Variants in TRIM26 observed in about 807,000 individuals in gnomAD.
TRIM26 encodes tripartite motif containing 26.
TRIM26 carries 16 observed loss-of-function variants against 45.5 expected under a neutral mutation model. The ratio of observed to expected loss-of-function variants is 0.35; its 90% CI spans 0.24 to 0.53. The LOEUF is 0.53. TRIM26 is among the 20% of genes least tolerant of loss of function. The pLI, the probability that TRIM26 is intolerant of heterozygous loss-of-function variation, is 0.92. For missense variants in TRIM26, 442 were observed against 691.1 expected (o/e 0.64, Z 4.04); for synonymous variants, 273 against 290.4 (o/e 0.94, Z 0.61).
chr6:30,199,438 A>G (rs1204382470), intron 3 of TRIM26, among the ~76,000 whole-genome samples, 174 bp from the exon 4 acceptor site: 1 of 152,160 alleles, frequency 6.6e-6, no homozygotes, highest in African/African-American at 2.4e-5. Flanking sequence ...CTTTCCTTCT[A>G]TCTGTTGGAA....
intron 9 of TRIM26, chr6:30,187,225 C>A: frequency 3.6e-6 from 1 of 277,084 alleles, no homozygotes. Flanking sequence ...TTTCAATTTC[C>A]TGAATAATTT....
In TRIM26 at chr6:30,185,868, G is replaced by A. The variant is rs764783355; in HGVS notation, c.*8C>T. 4.4e-6 allele frequency: 7 copies of A among 1,605,320 alleles called. No homozygotes were observed. The highest frequency in any genetic ancestry group is 6.0e-6 in the Non-Finnish European group (7 of 1,175,158). On this transcript the variant is annotated 3_prime_UTR_variant, in exon 10 of 10. Coordinates refer to ENST00000454678, the MANE Select transcript of TRIM26 (RefSeq NM_003449.5). The surrounding 1 kb of genome is among the most constrained non-coding windows in gnomAD (Gnocchi z 5.7). ...CTGAGGGTTGGGGCTGGGGGCAGAT[G>A]TCAGGGCTCAGGGTCTTAGCAGGAG...
intron 2 of TRIM26, among the ~76,000 whole-genome samples, chr6:30,203,172 T>G (rs1050134974): frequency 4.6e-5 from 7 of 151,350 alleles, no homozygotes; most frequent in Admixed American, 4.6e-4. Context: ...GGCTCCCGAG[T>G]TGCTGCAACA....
At position 30,189,654 on chromosome 6, in the gene TRIM26, A is replaced by C; in HGVS notation, c.789-121T>G. Reference sequence around the variant, plus strand: ...GGAAAGGTATGATTATCCCCAAACAAGTGACAGAAAAACAGTGGCCCAAAG... The same window carrying C: ...GGAAAGGTATGATTATCCCCAAACACGTGACAGAAAAACAGTGGCCCAAAG... On this transcript the variant is annotated intron_variant, in intron 7 of 9. Transcript: ENST00000454678. This position sits in a 1 kb window ranked among gnomAD's most constrained non-coding sequence, Gnocchi z 5.0. The C allele has an allele frequency of 1.1e-6, 1 of 878,166 alleles. No homozygotes were observed. The allele number at this position is 878,166 out of a possible 1,614,324, so 54.4% of individuals were successfully genotyped here. A position where few individuals can be genotyped will look rare whatever the true frequency, so the allele number is the denominator to read the frequency against.
chr6:30,202,957 A>C (rs1437455881), intron 2 of TRIM26, among the ~76,000 whole-genome samples: 1 of 152,202 alleles, frequency 6.6e-6, no homozygotes, highest in Non-Finnish European at 1.5e-5. Context: ...AAAGAAAAAA[A>C]AGGTTATAAA....
intron 1 of TRIM26, among the ~76,000 whole-genome samples, chr6:30,211,893 A>G (rs779371668): frequency 5.9e-5 from 9 of 152,264 alleles, no homozygotes; most frequent in Admixed American, 1.3e-4. Context: ...GAATAACTGC[A>G]AACAATAATA....
chr6:30,185,599 T>C lies in TRIM26; in HGVS notation c.*277A>G, dbSNP rs1303068620. On this transcript the variant is annotated 3_prime_UTR_variant, in exon 10 of 10. Transcript: ENST00000454678. The surrounding 1 kb of genome is among the most constrained non-coding windows in gnomAD (Gnocchi z 5.7). ...GAGTGCAGAGCTGGGGCCAAGGTCG[T>C]GGTCAAAAAGGAAAGGAGCCCTCAT... 6.0e-6 allele frequency: 3 copies of C among 499,808 alleles called. No individual in the cohort carries two copies. Among genetic ancestry groups the C allele is most frequent in the Non-Finnish European group, 1.1e-5 (3 of 284,000 alleles). 31.0% of individuals were successfully genotyped at this position (499,808 alleles called of 1,614,324 possible). A position where few individuals can be genotyped will look rare whatever the true frequency, so the allele number is the denominator to read the frequency against.
Position 30,189,490 on chromosome 6 carries a change from C to T in TRIM26, c.832G>A (p.Val278Met). The change falls in exon 8 of 10, where the codon GTG (valine) becomes ATG (methionine). Residue 278 changes from valine (V) to methionine (M), a missense_variant. Transcript: ENST00000454678. This position sits in a 1 kb window ranked among gnomAD's most constrained non-coding sequence, Gnocchi z 5.0. ...AATTCTCCGGTCTTTTTTTTAACCA[C>T]TCGAGCAATGGGTTTCCCAACCCAG... is the stretch of plus-strand genomic sequence containing the variant. ...KFWVGKPIAR[V>M]VKKKTGEFSD... The T allele has an allele frequency of 6.2e-7, 1 of 1,612,974 alleles. No individual in the cohort carries two copies. The highest frequency in any genetic ancestry group is 1.1e-5 in the South Asian group (1 of 91,080).
At chr6:30,195,785 C>G (rs1776397920) in intron 6 of TRIM26, among the ~76,000 whole-genome samples, 1 of 152,202 alleles carries the variant, frequency 6.6e-6, no homozygotes, top group South Asian at 2.1e-4. Context: ...AGCCCCTCCC[C>G]TCCCAGCCTA....
At chr6:30,197,258 C>A (rs1282950144) in intron 5 of TRIM26, among the ~76,000 whole-genome samples, 1 of 152,198 alleles carries the variant, frequency 6.6e-6, no homozygotes, top group Non-Finnish European at 1.5e-5. Context: ...GACGTCTGTG[C>A]TTAGGGACTA....
At position 30,190,193 on chromosome 6, in the gene TRIM26, AAAC is replaced by A. The variant is rs1276942296; in HGVS notation, c.766-161_766-159del. On this transcript the variant is annotated intron_variant, in intron 6 of 9. Transcript: ENST00000454678. This position sits in a 1 kb window ranked among gnomAD's most constrained non-coding sequence, Gnocchi z 4.3. Reference sequence around the variant, plus strand: ...GACATTCCAGTGGGGTCACTGCATAAAACAACAAGAAAACAAACAAAATCGGCA... The same window carrying A: ...GACATTCCAGTGGGGTCACTGCATAAAACAAGAAAACAAACAAAATCGGCA... 3 of 746,682 alleles carry A rather than the reference AAAC, an allele frequency of 4.0e-6. No individual in the cohort carries two copies. The highest frequency in any genetic ancestry group is 1.8e-5 in the African/African-American group (1 of 56,732). 46.3% of individuals were successfully genotyped at this position (746,682 alleles called of 1,614,324 possible).
intron 1 of TRIM26, among the ~76,000 whole-genome samples, chr6:30,208,925 T>C (rs1282351480): frequency 6.6e-6 from 1 of 151,448 alleles, no homozygotes; most frequent in South Asian, 2.1e-4. Flanking sequence ...TGTGTGTGTG[T>C]GTGTGTGTGT....
intron 2 of TRIM26, among the ~76,000 whole-genome samples, chr6:30,203,491 C>T (rs202035114): frequency 2.6e-5 from 4 of 152,116 alleles, no homozygotes; most frequent in Admixed American, 6.5e-5. Flanking sequence ...ATCTGGCTCA[C>T]TACAACCTTC....
At position 30,189,420 on chromosome 6, in the gene TRIM26, T is replaced by A. The variant is rs1369340907; in HGVS notation, c.902A>T (p.Gln301Leu). The A allele has an allele frequency of 1.2e-6, 2 of 1,612,944 alleles. No individual in the cohort carries two copies. The highest frequency in any genetic ancestry group is 3.3e-5 in the Admixed American group (2 of 60,006). The change falls in exon 8 of 10, where the codon CAG (glutamine) becomes CTG (leucine). Residue 301 changes from glutamine (Q) to leucine (L), a missense_variant and splice_region_variant. Coordinates refer to ENST00000454678, the MANE Select transcript of TRIM26 (RefSeq NM_003449.5). This position sits in a 1 kb window ranked among gnomAD's most constrained non-coding sequence, Gnocchi z 5.0. ...TTTGTGCGCTCCCCAACCCTTACCC[T>A]GGAATTCCCTCAGGCCTCGTTGCAG... ...LSLQRGLREF[Q>L]GKLLRDLEYK...
Position 30,203,168 on chromosome 6 carries a change from C to T in TRIM26, c.-266+1488G>A, listed in dbSNP as rs571949945. 6.2e-4 allele frequency among the ~76,000 whole-genome samples: 94 copies of T among 151,184 alleles called. 1 individual carries two copies. The highest frequency in any genetic ancestry group is 6.1e-4 in the African/African-American group (25 of 41,248). On this transcript the variant is annotated intron_variant, in intron 2 of 9. Coordinates refer to ENST00000454678, the MANE Select transcript of TRIM26 (RefSeq NM_003449.5). ...AAGCAATCTTCTCATCTCAGGCTCC[C>T]GAGTTGCTGCAACAACAGGTGCATA... is the stretch of plus-strand genomic sequence containing the variant.
rs779145805 is a variant in TRIM26, at chr6:30,196,382, C to A, written c.765+134G>T. ...ATGCAATCTACAGACTAATTGGCAG[C>A]AGTAAGGATTATCATCTCCATGTTT... On this transcript the variant is annotated intron_variant, in intron 6 of 9. Coordinates refer to ENST00000454678, the MANE Select transcript of TRIM26 (RefSeq NM_003449.5). The surrounding 1 kb of genome is among the most constrained non-coding windows in gnomAD (Gnocchi z 4.9). 2.6e-6 allele frequency: 2 copies of A among 783,212 alleles called. No homozygotes were observed. Among genetic ancestry groups the A allele is most frequent in the Non-Finnish European group, 4.1e-6 (2 of 491,148 alleles). 48.5% of individuals were successfully genotyped at this position (783,212 alleles called of 1,614,324 possible). A position where few individuals can be genotyped will look rare whatever the true frequency, so the allele number is the denominator to read the frequency against.
chr6:30,200,237 G>GTAC (rs1407196917), intron 3 of TRIM26, among the ~76,000 whole-genome samples: 1 of 152,128 alleles, frequency 6.6e-6, no homozygotes, highest in Non-Finnish European at 1.5e-5. Flanking sequence ...AGCCATGATT[G>GTAC]TACTACTACA....
Position 30,198,859 on chromosome 6 carries a change from T to C in TRIM26, c.245A>G (p.Lys82Arg). Residue 82 changes from lysine to arginine, a missense_variant, in exon 4 of 10, where the codon AAG becomes AGG. Lys to Arg is a conservative substitution (Grantham distance 26). Transcript: ENST00000454678. The surrounding 1 kb of genome is among the most constrained non-coding windows in gnomAD (Gnocchi z 6.3). ...TCCCGGCTGCCTGCCCTTGTCCACC[T>C]TCAGCCGCTCAATGTTCTCCACCAG... Reference protein sequence around the residue: ...ASLVENIERLKVDKGRQPGEV... With the variant: ...ASLVENIERLRVDKGRQPGEV... The C allele has an allele frequency of 6.2e-7, 1 of 1,612,922 alleles. No homozygotes were observed. The highest frequency in any genetic ancestry group is 8.5e-7 in the Non-Finnish European group (1 of 1,179,986).
At position 30,213,383 on chromosome 6, in the gene TRIM26, C is replaced by CG. The variant is rs1195681539; in HGVS notation, c.-455_-454insC. ...CGGTCTGTTCCGGGTCCCGCTCCTG[C>CG]ACGAGCAACCAGCGCGACAGCTCGT... On this transcript the variant is annotated 5_prime_UTR_variant, in exon 1 of 10. Transcript: ENST00000454678. 1 of 152,338 alleles carries CG rather than the reference C, an allele frequency of 6.6e-6. No homozygotes were observed. Among genetic ancestry groups the CG allele is most frequent in the Non-Finnish European group, 1.5e-5 (1 of 68,090 alleles). The allele number at this position is 152,338 out of a possible 1,614,324, so 9.4% of individuals were successfully genotyped here.
Sources: allele counts gnomAD v4.1 joint callset (sites outside exome capture counted in the v4.1 genomes callset), GRCh38; gene constraint gnomAD v4.1.1; non-coding constraint Gnocchi (gnomAD v3.1); transcripts MANE v1.5; gene names NCBI Gene and HGNC (gene_info 2026-07-23, HGNC 2026-07-21).